UNC13C: variants seen among roughly 807,000 people sequenced by gnomAD.
UNC13C encodes the protein protein unc-13 homolog C.
Under a neutral mutation model 245.4 loss-of-function variants are expected in UNC13C, and 174 were observed. The ratio of observed to expected loss-of-function variants is 0.71; its 90% confidence interval spans 0.63 to 0.80. The LOEUF (loss-of-function observed/expected upper bound fraction) is 0.80. UNC13C is among the 30% of genes least tolerant of loss of function. The pLI is 0.00. For missense variants in UNC13C, 2,829 were observed against 2,602.9 expected, an observed-to-expected ratio of 1.09 and a Z score of -1.89; for synonymous variants, 992 against 895.1, an observed-to-expected ratio of 1.11 and a Z score of -1.93.
the UNC13C span, among the ~76,000 whole-genome samples, chr15:53,909,491 C>G: frequency 6.8e-6 from 1 of 146,386 alleles, no homozygotes; most frequent in Non-Finnish European, 1.5e-5. Context: ...TGGTGGCTCA[C>G]GCCTGTAATC....
the UNC13C span, among the ~76,000 whole-genome samples, chr15:53,966,723 T>A: frequency 1.3e-5 from 2 of 152,098 alleles, no homozygotes; most frequent in East Asian, 1.9e-4. Context: ...GATTGATTTT[T>A]CTCAGGCATG....
intron 4 of UNC13C, among the ~76,000 whole-genome samples, chr15:54,178,561 A>C (rs1352682564): frequency 1.3e-5 from 2 of 152,198 alleles, no homozygotes; most frequent in African/African-American, 4.8e-5. Context: ...TTAAATAAAC[A>C]AATTCCAAGA....
intron 24 of UNC13C, 91 bp from the exon 25 acceptor site, chr15:54,525,458 G>T: frequency 2.7e-6 from 2 of 736,086 alleles, no homozygotes; most frequent in Non-Finnish European, 4.2e-6. Flanking sequence ...GTTGTTTGAA[G>T]TTACCATATA....
chr15:53,961,915 TC>T, the UNC13C span, among the ~76,000 whole-genome samples: 5 of 152,190 alleles, frequency 3.3e-5, no homozygotes, highest in African/African-American at 1.2e-4. Context: ...AATTACAAAC[TC>T]CTTCTCTACT....
intron 7 of UNC13C, 149 bp from the exon 8 acceptor site, chr15:54,250,076 C>G (rs1238624086): frequency 1.4e-6 from 1 of 728,616 alleles, no homozygotes; most frequent in Admixed American, 2.2e-5. Context: ...AGTTATTATG[C>G]TTACTGTCAT....
the UNC13C span, among the ~76,000 whole-genome samples, chr15:53,967,464 T>C: frequency 2.0e-5 from 3 of 152,166 alleles, no homozygotes; most frequent in African/African-American, 7.2e-5. Flanking sequence ...TCAAGTCCTT[T>C]ACATTCCTTA....
At position 54,626,894 on chromosome 15, in the gene UNC13C, T is replaced by TGCCAGA; in HGVS notation, c.6428_6433dup (p.Ala2143_Arg2144dup). 1 of 1,613,358 alleles carries TGCCAGA rather than the reference T, an allele frequency of 6.2e-7. No individual in the cohort carries two copies. Among genetic ancestry groups the TGCCAGA allele is most frequent in the Middle Eastern group, 1.6e-4 (1 of 6,062 alleles). ...ATCTCTCAGTTAAGGATTACTGCTT[T>TGCCAGA]GCCAGAGAAGATCGAATTATCGGAA... On this transcript the variant is annotated inframe_insertion, in exon 33 of 33. Coordinates refer to ENST00000260323, the MANE Select transcript of UNC13C (RefSeq NM_001080534.3).
intron 19 of UNC13C, among the ~76,000 whole-genome samples, chr15:54,469,066 G>A (rs1009475785): frequency 6.6e-6 from 1 of 151,554 alleles, no homozygotes; most frequent in African/African-American, 2.4e-5. Flanking sequence ...TCCAATCCAT[G>A]AGTAAGGGAT....
chr15:54,429,050 A>G (rs1383016597), intron 19 of UNC13C, among the ~76,000 whole-genome samples: 1 of 151,666 alleles, frequency 6.6e-6, no homozygotes, highest in African/African-American at 2.4e-5. Flanking sequence ...CTTTTAAAGG[A>G]TTTTGTAGCA....
intron 2 of UNC13C, among the ~76,000 whole-genome samples, chr15:54,107,532 A>G (rs190017850): frequency 6.6e-6 from 1 of 152,298 alleles, no homozygotes; most frequent in East Asian, 1.9e-4. Flanking sequence ...CTTGCAGTCT[A>G]CAGGAGAGGA....
intron 19 of UNC13C, among the ~76,000 whole-genome samples, chr15:54,455,205 C>CTCTCTCTCTCTCTCTCTATA (rs1388065398): frequency 1.1e-4 from 2 of 18,964 alleles, no homozygotes; most frequent in Non-Finnish European, 1.8e-4. Flanking sequence ...CTCTCTCTCT[C>CTCTCTCTCTCTCTCTCTATA]TATATATATA....
chr15:54,357,651 G>A (rs1350629595), intron 17 of UNC13C, among the ~76,000 whole-genome samples: 1 of 151,934 alleles, frequency 6.6e-6, no homozygotes, highest in East Asian at 1.9e-4. Flanking sequence ...CATAAAATTA[G>A]ACATATTAGG....
intron 4 of UNC13C, among the ~76,000 whole-genome samples, chr15:54,219,132 C>A (rs1475090448): frequency 6.6e-6 from 1 of 152,084 alleles, no homozygotes; most frequent in Non-Finnish European, 1.5e-5. Context: ...AAAGAGACCG[C>A]ATTGCCAAGT....
intron 19 of UNC13C, among the ~76,000 whole-genome samples, chr15:54,456,074 C>T (rs1891504084): frequency 6.6e-6 from 1 of 152,062 alleles, no homozygotes; most frequent in Non-Finnish European, 1.5e-5. Context: ...CAGTTTTATT[C>T]TTCTACTTGT....
intron 14 of UNC13C, among the ~76,000 whole-genome samples, chr15:54,322,707 C>G (rs530305958): frequency 5.3e-5 from 8 of 151,984 alleles, no homozygotes; most frequent in Non-Finnish European, 8.8e-5. Context: ...CAGTGTAACT[C>G]TTTCTCTGCA....
At chr15:54,153,178 T>C (rs923808683) in intron 4 of UNC13C, among the ~76,000 whole-genome samples, 1 of 152,144 alleles carries the variant, frequency 6.6e-6, no homozygotes, top group African/African-American at 2.4e-5. Context: ...TATTTTCAGA[T>C]ATGACAAAAT....
At chr15:54,540,386 A>C (rs1896189522) in intron 26 of UNC13C, among the ~76,000 whole-genome samples, 1 of 152,088 alleles carries the variant, frequency 6.6e-6, no homozygotes, top group Non-Finnish European at 1.5e-5. Flanking sequence ...CAACCAATAC[A>C]CATGGCATTT....
intron 5 of UNC13C, 87 bp downstream of exon 5, chr15:54,235,195 G>T: frequency 2.7e-6 from 3 of 1,109,216 alleles, no homozygotes; most frequent in Non-Finnish European, 1.3e-6. Flanking sequence ...TCACTGTCTA[G>T]CCTGTAAATA....
chr15:54,376,910 A>T (rs1005022180), intron 17 of UNC13C, among the ~76,000 whole-genome samples: 2 of 152,212 alleles, frequency 1.3e-5, no homozygotes, highest in South Asian at 2.1e-4. Context: ...TAACTAAGGT[A>T]ATCATCTTGA....
Sources: allele counts gnomAD v4.1 joint callset (sites outside exome capture counted in the v4.1 genomes callset), GRCh38; gene constraint gnomAD v4.1.1; transcripts MANE v1.5; gene names NCBI Gene and HGNC (gene_info 2026-07-23, HGNC 2026-07-21).